The following NFIB variants were observed in gnomAD, a reference collection of about 807,000 sequenced individuals.
The protein encoded by NFIB is nuclear factor I B, also known as nuclear factor 1 B-type.
In NFIB, 11 loss-of-function variants were observed where a neutral mutation model predicts 61.5. The observed-to-expected ratio is 0.18, with a 90% CI of 0.11 to 0.30. The LOEUF (loss-of-function observed/expected upper bound fraction) is 0.30, where lower values mean the gene tolerates loss of function less well. Among genes scored for constraint, NFIB ranks in the 10% least tolerant of loss-of-function variants. The pLI is 1.00. For missense variants in NFIB, 471 were observed against 608.9 expected (o/e 0.77, Z 2.38); for synonymous variants, 260 against 216.5 (o/e 1.20, Z -1.76).
At chr9:14,417,456 C>T in the NFIB span, among the ~76,000 whole-genome samples, 10 of 152,156 alleles carry the variant, frequency 6.6e-5, no homozygotes, top group African/African-American at 2.4e-4. Context: ...ACGTATTCAT[C>T]GTGACTGTAT....
intron 3 of NFIB, among the ~76,000 whole-genome samples, chr9:14,176,587 T>C (rs1028319546): frequency 6.6e-6 from 1 of 152,098 alleles, no homozygotes; most frequent in Non-Finnish European, 1.5e-5. Flanking sequence ...TAAAATAATA[T>C]CAAATATTCC....
intron 1 of NFIB, among the ~76,000 whole-genome samples, chr9:14,386,031 C>T (rs1588405768): frequency 6.6e-6 from 1 of 152,116 alleles, no homozygotes; most frequent in Admixed American, 6.5e-5. Flanking sequence ...GATCTACCCA[C>T]CTTGGCCTCC....
At chr9:14,311,926 A>G (rs914576558) in intron 1 of NFIB, among the ~76,000 whole-genome samples, 6 of 152,214 alleles carry the variant, frequency 3.9e-5, no homozygotes, top group African/African-American at 1.4e-4. Context: ...CCGATGGGTA[A>G]TATTAATGGT....
intron 10 of NFIB, among the ~76,000 whole-genome samples, chr9:14,088,652 C>CT (rs2033277591): frequency 6.6e-6 from 1 of 151,878 alleles, no homozygotes; most frequent in Admixed American, 6.6e-5. Flanking sequence ...CAATATCATT[C>CT]TTTTTTGTAC....
intron 2 of NFIB, among the ~76,000 whole-genome samples, chr9:14,202,766 G>A (rs1441121942): frequency 6.6e-6 from 1 of 152,240 alleles, no homozygotes; most frequent in South Asian, 2.1e-4. Context: ...ATCATGGATT[G>A]TGATGTCATA....
At position 14,155,297 on chromosome 9, in the gene NFIB, G is replaced by A. The variant is rs187519549; in HGVS notation, c.685+528C>T. Among the ~76,000 whole-genome samples, 639 of 152,196 alleles carry A rather than the reference G, an allele frequency of 4.2e-3. 2 individuals carry two copies. Among genetic ancestry groups the A allele is most frequent in the Non-Finnish European group, 6.5e-3 (442 of 68,002 alleles). On this transcript the variant is annotated intron_variant, in intron 4 of 10. Transcript: ENST00000380953. The stretch of plus-strand genomic sequence containing the variant: ...CTAAGAATGGTGTCTCAGGTGAAGT[G>A]GCCAGTTAAAACAATTGGACATTGT...
chr9:14,337,302 G>A (rs767372908), intron 1 of NFIB, among the ~76,000 whole-genome samples: 3 of 152,104 alleles, frequency 2.0e-5, no homozygotes, highest in Non-Finnish European at 4.4e-5. Context: ...TACAACACAC[G>A]GTTGAAAGAA....
At chr9:14,270,054 G>A (rs2057487636) in intron 2 of NFIB, among the ~76,000 whole-genome samples, 1 of 152,036 alleles carries the variant, frequency 6.6e-6, no homozygotes, top group Non-Finnish European at 1.5e-5. Flanking sequence ...CTATTAACAA[G>A]CACACTATAA....
chr9:14,179,078 CTG>C (rs886240317), intron 3 of NFIB, among the ~76,000 whole-genome samples: 4 of 152,072 alleles, frequency 2.6e-5, no homozygotes, highest in Admixed American at 1.3e-4. Flanking sequence ...AGAAAAAACA[CTG>C]TTCCTAAATC....
intron 1 of NFIB, among the ~76,000 whole-genome samples, chr9:14,360,835 C>T (rs571676449): frequency 8.5e-5 from 13 of 152,192 alleles, no homozygotes; most frequent in African/African-American, 3.1e-4. Context: ...GGATTACAGG[C>T]TTGAGCCACC....
chr9:14,337,070 A>T (rs1279591078), intron 1 of NFIB, among the ~76,000 whole-genome samples: 1 of 152,214 alleles, frequency 6.6e-6, no homozygotes, highest in Non-Finnish European at 1.5e-5. Context: ...TCAGAATGTA[A>T]AAACCATTCG....
chr9:14,194,757 C>T (rs916742748), intron 2 of NFIB, among the ~76,000 whole-genome samples: 4 of 152,024 alleles, frequency 2.6e-5, no homozygotes, highest in African/African-American at 9.7e-5. Context: ...GAAACAGGCA[C>T]TATCTTAGAA....
the NFIB span, among the ~76,000 whole-genome samples, chr9:14,427,950 T>TCTTTG: frequency 9.5e-6 from 1 of 105,272 alleles, no homozygotes; most frequent in African/African-American, 3.5e-5. Flanking sequence ...TTTTTTTTTT[T>TCTTTG]TTTTTTTTTT....
chr9:14,441,074 TA>T, the NFIB span, among the ~76,000 whole-genome samples: 39 of 114,874 alleles, frequency 3.4e-4, no homozygotes, highest in East Asian at 4.1e-3. Flanking sequence ...ATATCTTGGA[TA>T]AAAAAACCTG....
intron 2 of NFIB, among the ~76,000 whole-genome samples, chr9:14,234,502 TG>T (rs1274705353): frequency 6.6e-6 from 1 of 151,916 alleles, no homozygotes. Context: ...CCTGAGTAGC[TG>T]GGATTACAGG....
the NFIB span, among the ~76,000 whole-genome samples, chr9:14,521,442 C>T: frequency 2.6e-5 from 4 of 152,152 alleles, no homozygotes; most frequent in African/African-American, 7.2e-5. Context: ...CATTATCAGC[C>T]GAGTAAGCTT....
At chr9:14,402,003 C>A (rs867288676), upstream of NFIB, among the ~76,000 whole-genome samples, 11 of 152,054 alleles carry the variant, frequency 7.2e-5, no homozygotes, top group Admixed American at 6.6e-5. Flanking sequence ...TGTGCATGTA[C>A]CCCTGGACAC....
intron 1 of NFIB, among the ~76,000 whole-genome samples, chr9:14,386,168 A>AT (rs977062188): frequency 6.6e-6 from 1 of 152,178 alleles, no homozygotes; most frequent in African/African-American, 2.4e-5. Flanking sequence ...TTGAGTATAT[A>AT]TTACATACAC....
intron 10 of NFIB, among the ~76,000 whole-genome samples, chr9:14,091,203 T>C (rs1274180524): frequency 1.3e-5 from 2 of 151,874 alleles, no homozygotes; most frequent in Admixed American, 1.3e-4. Context: ...CAATTTAAGT[T>C]CAGAACTATA....
Sources: gnomAD v4.1 joint callset for allele counts (sites outside exome capture counted in the v4.1 genomes callset) on GRCh38, gnomAD v4.1.1 for gene constraint, MANE v1.5 for transcripts, NCBI Gene and HGNC (gene_info 2026-07-23, HGNC 2026-07-21) for gene names.